Variants in ETV5 observed in about 807,000 individuals in gnomAD.
The protein encoded by ETV5 is ETS translocation variant 5.
Under a neutral mutation model 70.0 loss-of-function variants are expected in ETV5, and 10 were observed. The ratio of observed to expected loss-of-function variants is 0.14; its 90% CI spans 0.09 to 0.24. The LOEUF is 0.24. ETV5 is among the 10% of genes least tolerant of loss of function. The pLI, the probability that ETV5 is intolerant of heterozygous loss-of-function variation, is 1.00. For missense variants in ETV5, 453 were observed against 651.2 expected (o/e 0.70, Z 3.31); for synonymous variants, 216 against 242.2 (o/e 0.89, Z 1.01).
In ETV5 at chr3:186,050,796, G is replaced by T. The variant is rs539113995; in HGVS notation, c.1311+1234C>A. Among the ~76,000 whole-genome samples the T allele has an allele frequency of 5.3e-5, 8 of 152,220 alleles. No individual in the cohort carries two copies. In the East Asian group the frequency reaches 1.4e-3, roughly 26 times the overall value. The stretch of plus-strand genomic sequence containing the variant: ...AGAGCAGTGGTAGGAACAAGTACTG[G>T]TGCCATCAGAAGCAGCAAAGGGGAC... On this transcript the variant is annotated intron_variant, in intron 12 of 12. Transcript: ENST00000306376.
At chr3:186,087,487 T>C (rs1469852964) in intron 5 of ETV5, among the ~76,000 whole-genome samples, 2 of 152,242 alleles carry the variant, frequency 1.3e-5, no homozygotes, top group Non-Finnish European at 1.5e-5. Context: ...ATTAAATTTC[T>C]ACTTTTTAAA....
At chr3:186,058,480 G>A (rs1460268768) in intron 9 of ETV5, among the ~76,000 whole-genome samples, 4 of 152,198 alleles carry the variant, frequency 2.6e-5, no homozygotes, top group African/African-American at 9.7e-5. Context: ...TAGTTCACCT[G>A]GCTCATACTA....
intron 9 of ETV5, among the ~76,000 whole-genome samples, chr3:186,061,758 C>T (rs1713309548): frequency 6.6e-6 from 1 of 152,156 alleles, no homozygotes; most frequent in African/African-American, 2.4e-5. Flanking sequence ...GATCTCAGTC[C>T]CTACCAGGGC....
chr3:186,052,020 A>G lies in ETV5; in HGVS notation c.1311+10T>C. 6.2e-7 allele frequency: 1 copy of G among 1,613,018 alleles called. No individual in the cohort carries two copies. ...CCAGAGTGGGCTAAGGGTCTTGTAT[A>G]ATGGCTCACCTTCTGCATGATGCCC... is the stretch of plus-strand genomic sequence containing the variant. On this transcript the variant is annotated intron_variant, in intron 12 of 12. Coordinates refer to ENST00000306376, the MANE Select transcript of ETV5 (RefSeq NM_004454.3). The surrounding 1 kb of genome is among the most constrained non-coding windows in gnomAD (Gnocchi z 4.5).
chr3:186,085,123 ACG>A lies in ETV5; in HGVS notation c.233-3950_233-3949del, dbSNP rs879790297. ...AAAACAAGGCTCAAAGTCACTTGCC[ACG>A]TAAAGGCTCAAAGTCACTTGCCACG... On this transcript the variant is annotated intron_variant, in intron 5 of 12. Coordinates refer to ENST00000306376, the MANE Select transcript of ETV5 (RefSeq NM_004454.3). 9.9e-3 allele frequency among the ~76,000 whole-genome samples: 784 copies of A among 79,026 alleles called. 29 individuals carry two copies. Among genetic ancestry groups the A allele is most frequent in the Admixed American group, 0.081 (692 of 8,512 alleles). 51.8% of individuals were successfully genotyped at this position (79,026 alleles called of 152,430 possible). A position where few individuals can be genotyped will look rare whatever the true frequency, so the allele number is the denominator to read the frequency against.
chr3:186,107,826 T>A (rs1184487830), intron 1 of ETV5, among the ~76,000 whole-genome samples: 1 of 151,914 alleles, frequency 6.6e-6, no homozygotes, highest in African/African-American at 2.4e-5. Flanking sequence ...TCTCTAGCGC[T>A]GGGCCCCATT....
At position 186,105,259 on chromosome 3, in the gene ETV5, C is replaced by T. The variant is rs376653703; in HGVS notation, c.232+46G>A. Reference sequence around the variant, plus strand: ...TATTCTAGACATGGATGATCTAAGACCAAACAATTTCAGAACAAATGTGCC... The same window carrying T: ...TATTCTAGACATGGATGATCTAAGATCAAACAATTTCAGAACAAATGTGCC... On this transcript the variant is annotated intron_variant, in intron 5 of 12. Transcript: ENST00000306376. This position sits in a 1 kb window ranked among gnomAD's most constrained non-coding sequence, Gnocchi z 4.5. 7.7e-6 allele frequency: 12 copies of T among 1,566,606 alleles called. No individual in the cohort carries two copies. The highest frequency in any genetic ancestry group is 1.0e-5 in the Non-Finnish European group (12 of 1,145,418).
chr3:186,096,973 G>C (rs1055827800), intron 5 of ETV5, among the ~76,000 whole-genome samples: 13 of 152,148 alleles, frequency 8.5e-5, no homozygotes, highest in African/African-American at 2.9e-4. Flanking sequence ...TTTCAGACCA[G>C]CCTGGGCAAC....
chr3:186,056,834 A>T (rs1289264960), intron 11 of ETV5, among the ~76,000 whole-genome samples: 1 of 152,332 alleles, frequency 6.6e-6, no homozygotes, highest in Non-Finnish European at 1.5e-5. Flanking sequence ...CTTGCCCCCT[A>T]AATTTTGCAG....
At chr3:186,100,880 AAATT>A (rs760274389) in intron 5 of ETV5, among the ~76,000 whole-genome samples, 2 of 152,248 alleles carry the variant, frequency 1.3e-5, no homozygotes, top group African/African-American at 4.8e-5. Context: ...ATCATAACTG[AAATT>A]AATAAGTGAG....
intron 5 of ETV5, among the ~76,000 whole-genome samples, chr3:186,088,701 C>T (rs995570013): frequency 2.0e-5 from 3 of 152,130 alleles, no homozygotes; most frequent in Non-Finnish European, 2.9e-5. Context: ...AAAACAGAAC[C>T]GAAAAATCCA....
rs751736231 is a variant in ETV5 at position 186,105,091 on chromosome 3, T to A, written c.232+214A>T. ...AAAGAAATTTAGGATAAAATTATGT[T>A]CAGTAAATCTTACCTGCAATACAGT... On this transcript the variant is annotated intron_variant, in intron 5 of 12. Transcript: ENST00000306376. The surrounding 1 kb of genome is among the most constrained non-coding windows in gnomAD (Gnocchi z 4.5). The A allele has an allele frequency of 4.3e-6, 2 of 463,262 alleles. No homozygotes were observed. The highest frequency in any genetic ancestry group is 7.5e-6 in the Non-Finnish European group (2 of 265,822). The allele number at this position is 463,262 out of a possible 1,614,324, so 28.7% of individuals were successfully genotyped here.
intron 6 of ETV5, 124 bp downstream of exon 6, chr3:186,080,922 A>G: frequency 8.4e-7 from 1 of 1,189,844 alleles, no homozygotes; most frequent in Non-Finnish European, 1.2e-6. Context: ...CACTGCCATG[A>G]AAGAAGGATA....
At chr3:186,064,222 C>T in intron 9 of ETV5, 195 bp downstream of exon 9, 1 of 605,634 alleles carries the variant, frequency 1.7e-6, no homozygotes, top group Non-Finnish European at 2.9e-6. Context: ...TCAATCAGCT[C>T]TCATATTCAT....
At chr3:186,061,710 G>A (rs1054832908) in intron 9 of ETV5, among the ~76,000 whole-genome samples, 10 of 152,228 alleles carry the variant, frequency 6.6e-5, no homozygotes, top group Middle Eastern at 3.4e-3. Flanking sequence ...TTTAAGCTCT[G>A]AGCCCACCTC....
At chr3:186,068,230 C>G (rs1313617821) in intron 7 of ETV5, among the ~76,000 whole-genome samples, 1 of 152,110 alleles carries the variant, frequency 6.6e-6, no homozygotes, top group African/African-American at 2.4e-5. Context: ...TGGTTGAAAG[C>G]AACCATTAGA....
At chr3:186,089,101 G>A (rs1366460701) in intron 5 of ETV5, among the ~76,000 whole-genome samples, 1 of 152,036 alleles carries the variant, frequency 6.6e-6, no homozygotes, top group Non-Finnish European at 1.5e-5. Context: ...CTCTGTTCTG[G>A]GAAACAAGAA....
intron 1 of ETV5, among the ~76,000 whole-genome samples, chr3:186,108,126 C>T (rs1054507027): frequency 6.6e-6 from 1 of 150,424 alleles, no homozygotes; most frequent in Non-Finnish European, 1.5e-5. Context: ...CCAATCCCCC[C>T]ACCCCCAACA....
intron 6 of ETV5, 31 bp downstream of exon 6, chr3:186,081,015 A>AT: frequency 1.3e-6 from 2 of 1,584,828 alleles, no homozygotes; most frequent in Non-Finnish European, 1.7e-6. Context: ...CTTTCTGGGC[A>AT]GCCTTTCTTC....
Sources: allele counts gnomAD v4.1 joint callset (sites outside exome capture counted in the v4.1 genomes callset), GRCh38; gene constraint gnomAD v4.1.1; non-coding constraint Gnocchi (gnomAD v3.1); transcripts MANE v1.5; gene names NCBI Gene and HGNC (gene_info 2026-07-23, HGNC 2026-07-21).